Variants in MROH1 observed in about 807,000 individuals in gnomAD.
MROH1 encodes maestro heat-like repeat-containing protein family member 1.
Under a neutral mutation model 116.5 loss-of-function variants are expected in MROH1, and 117 were observed. The observed-to-expected ratio is 1.00, with a 90% CI of 0.86 to 1.17. The LOEUF (loss-of-function observed/expected upper bound fraction) is 1.17. Among genes scored for constraint, MROH1 ranks in the 50% most tolerant of loss-of-function variants. The pLI, the probability that MROH1 is intolerant of heterozygous loss-of-function variation, is 0.00. For missense variants in MROH1, 1,873 were observed against 1,338.5 expected, an observed-to-expected ratio of 1.40 and a Z score of -6.23; for synonymous variants, 921 against 583.9, an observed-to-expected ratio of 1.58 and a Z score of -8.32.
rs1842079617 is a variant in MROH1 at position 144,247,337 on chromosome 8, G to A, written c.2908G>A (p.Gly970Ser). ...CTTCCACAACCTGGGCCTTCTCATC[G>A]GCCTCTTCTCCCCACGGTGTGCGGA... ...VPFHNLGLLIGLFSPRCADLW... is the reference protein window; with the variant it reads ...VPFHNLGLLISLFSPRCADLW... The change falls in exon 30 of 44, where the codon GGC becomes AGC. Residue 970 changes from glycine (G) to serine (S), a missense_variant. Gly to Ser is a moderately conservative substitution (Grantham distance 56, BLOSUM62 0). Transcript: ENST00000326134. 11 of 773,074 alleles carry A rather than the reference G, an allele frequency of 1.4e-5. No homozygotes were observed. The highest frequency in any genetic ancestry group is 5.1e-5 in the Admixed American group (3 of 58,412). The allele number at this position is 773,074 out of a possible 1,614,324, so 47.9% of individuals were successfully genotyped here.
chr8:144,261,452 A>C lies in MROH1; in HGVS notation c.4840+103A>C. ...TGGATTTCAGGACTTTTTCCCTGTC[A>C]CTGGTGACCTCATCGTCTCTAGTAA... is the stretch of plus-strand genomic sequence containing the variant. On this transcript the variant is annotated intron_variant, in intron 43 of 43. Transcript: ENST00000326134. 7.2e-6 allele frequency: 5 copies of C among 699,102 alleles called. No homozygotes were observed. In the East Asian group the frequency reaches 1.3e-4, roughly 19 times the overall value. The allele number at this position is 699,102 out of a possible 1,614,324, so 43.3% of individuals were successfully genotyped here.
chr8:144,212,655 T>A (rs894806879), intron 12 of MROH1, among the ~76,000 whole-genome samples: 3 of 143,912 alleles, frequency 2.1e-5, no homozygotes, highest in Non-Finnish European at 3.0e-5. Context: ...AGTGGTGGGA[T>A]CATGGCTTAC....
Position 144,190,793 on chromosome 8 carries a change from G to C in MROH1, c.572G>C (p.Arg191Pro). ...VRVAFCSALQ[R>P]FSEGALEYLA... ...CTGGCCGGTTTTGTAGCTCTGCAGC[G>C]CTTCAGCGAGGGTGCCCTGGAGTAC... Residue 191 changes from arginine to proline, a missense_variant, in exon 8 of 44, where the codon CGC becomes CCC. By Grantham distance (103) the Arg-to-Pro change is moderately radical (BLOSUM62 -2). Transcript: ENST00000326134. 6.2e-7 allele frequency: 1 copy of C among 1,613,350 alleles called. No homozygotes were observed. The highest frequency in any genetic ancestry group is 8.5e-7 in the Non-Finnish European group (1 of 1,179,714).
At chr8:144,211,790 C>T (rs1834155695) in intron 12 of MROH1, among the ~76,000 whole-genome samples, 1 of 151,332 alleles carries the variant, frequency 6.6e-6, no homozygotes, top group Admixed American at 6.6e-5. Flanking sequence ...TTTTATTTAT[C>T]AGTTTTCAAG....
intron 14 of MROH1, among the ~76,000 whole-genome samples, chr8:144,237,106 C>T (rs921652498): frequency 1.3e-5 from 2 of 151,660 alleles, no homozygotes; most frequent in East Asian, 2.0e-4. Flanking sequence ...GGGGTTTCAC[C>T]GTGTTGGCCA....
intron 4 of MROH1, among the ~76,000 whole-genome samples, chr8:144,170,890 G>A (rs956115406): frequency 5.3e-5 from 8 of 152,238 alleles, no homozygotes; most frequent in Non-Finnish European, 1.0e-4. Flanking sequence ...GGGGAGGGAC[G>A]GGATTTGGGG....
rs1465003230 is a variant in MROH1, at chr8:144,260,995, G to A, written c.4625G>A (p.Arg1542Gln). ...AAFQKHLQEG[R>Q]ALHFGEFLNT... is the part of the protein sequence containing the mutation. The stretch of plus-strand genomic sequence containing the variant: ...TTCCAGAAACACCTGCAGGAGGGCC[G>A]AGCCCTGCACTTCGGGGAGTTCCTC... Residue 1542 changes from arginine to glutamine, a missense_variant, in exon 41 of 44, where the codon CGA becomes CAA. Arg to Gln is a conservative substitution (Grantham distance 43). Coordinates refer to ENST00000326134, the MANE Select transcript of MROH1 (RefSeq NM_032450.3). 15 of 771,536 alleles carry A rather than the reference G, an allele frequency of 1.9e-5. No individual in the cohort carries two copies. Among genetic ancestry groups the A allele is most frequent in the South Asian group, 9.4e-5 (7 of 74,382 alleles). The allele number at this position is 771,536 out of a possible 1,614,324, so 47.8% of individuals were successfully genotyped here.
chr8:144,232,251 A>C (rs1839034498), intron 14 of MROH1, among the ~76,000 whole-genome samples: 1 of 152,140 alleles, frequency 6.6e-6, no homozygotes, highest in Middle Eastern at 3.4e-3. Context: ...CTCTGTCTCC[A>C]TGAGAGGCAC....
intron 4 of MROH1, among the ~76,000 whole-genome samples, chr8:144,168,750 A>C (rs1403033115): frequency 6.6e-6 from 1 of 152,192 alleles, no homozygotes; most frequent in Non-Finnish European, 1.5e-5. Context: ...CCTGAGGGAC[A>C]GACCATGGTC....
chr8:144,260,146 G>A (rs1844742138), intron 38 of MROH1, 40 bp from the exon 39 acceptor site: 15 of 761,312 alleles, frequency 2.0e-5, no homozygotes, highest in Admixed American at 6.8e-5. Flanking sequence ...GGTAGCAGAC[G>A]GTGACTCTGG....
chr8:144,250,477 TC>T, intron 33 of MROH1, 111 bp downstream of exon 33: 2 of 700,396 alleles, frequency 2.9e-6, no homozygotes. Flanking sequence ...CTGCATGAGT[TC>T]CCATGGCTGT....
At chr8:144,205,556 C>CAGGCTGTTTTATATCTTAAA (rs1391008029) in intron 12 of MROH1, among the ~76,000 whole-genome samples, 37 of 151,824 alleles carry the variant, frequency 2.4e-4, no homozygotes, top group Admixed American at 9.2e-4. Context: ...GCCAGGATTA[C>CAGGCTGTTTTATATCTTAAA]AGGCTGTTTT....
chr8:144,167,906 G>A (rs1490296932), intron 3 of MROH1, among the ~76,000 whole-genome samples: 2 of 152,164 alleles, frequency 1.3e-5, no homozygotes, highest in African/African-American at 4.8e-5. Context: ...GAAGGGTCTG[G>A]CTGGTGAGTG....
Position 144,254,816 on chromosome 8 carries a change from C to T in MROH1, c.3432C>T (p.His1144=), listed in dbSNP as rs975698128. 301 of 776,996 alleles carry T rather than the reference C, an allele frequency of 3.9e-4. 1 individual carries two copies. The African/African-American group carries it at 4.9e-3, about 13-fold the overall frequency. 48.1% of individuals were successfully genotyped at this position (776,996 alleles called of 1,614,324 possible). A position where few individuals can be genotyped will look rare whatever the true frequency, so the allele number is the denominator to read the frequency against. Residue 1144 remains histidine, a synonymous_variant, in exon 34 of 44, where the codon CAC becomes CAT. Transcript: ENST00000326134. ...TGACTCTCCTGCTCTGCTCCAGCCACACCTGCATGCTGTGGCGGGCGCTGG... is the reference window on the plus strand; with the variant it reads ...TGACTCTCCTGCTCTGCTCCAGCCATACCTGCATGCTGTGGCGGGCGCTGG... ...LLGSPLPLDS[H]TCMLWRALAV... is the part of the protein sequence containing the mutation.
At chr8:144,181,934 C>T (rs1825823474) in intron 7 of MROH1, among the ~76,000 whole-genome samples, 1 of 152,248 alleles carries the variant, frequency 6.6e-6, no homozygotes, top group Non-Finnish European at 1.5e-5. Flanking sequence ...CTTACCTTCC[C>T]CTTCATAGGG....
intron 4 of MROH1, among the ~76,000 whole-genome samples, chr8:144,170,536 C>T (rs572201170): frequency 8.5e-5 from 13 of 152,294 alleles, no homozygotes; most frequent in African/African-American, 3.1e-4. Context: ...ATTTGCACTT[C>T]GCTTGATTGC....
At position 144,182,196 on chromosome 8, in the gene MROH1, G is replaced by A. The variant is rs372270014; in HGVS notation, c.562+1673G>A. Among the ~76,000 whole-genome samples, 27 of 152,326 alleles carry A rather than the reference G, an allele frequency of 1.8e-4. No homozygotes were observed. The East Asian group carries it at 1.9e-3, about 11-fold the overall frequency. ...GCGGTGGCAGGCCTGCGTCCACTGC[G>A]GGAGGGTGCAGGTCCAGCCAGGACA... On this transcript the variant is annotated intron_variant, in intron 7 of 43. Transcript: ENST00000326134. The surrounding 1 kb of genome is among the most constrained non-coding windows in gnomAD (Gnocchi z 4.1).
intron 4 of MROH1, among the ~76,000 whole-genome samples, chr8:144,173,873 T>A (rs1328165471): frequency 6.6e-6 from 1 of 152,100 alleles, no homozygotes; most frequent in Admixed American, 6.6e-5. Context: ...CCAAGAAGAA[T>A]GAGGATACAG....
At position 144,254,953 on chromosome 8, in the gene MROH1, G is replaced by T; in HGVS notation, c.3569G>T (p.Arg1190Leu). ...TTCCTGCTGGGCCGCACCCCAGACC[G>T]CGTGGCCACGCTGCTGCCTCTCTCG... ...RAFLLGRTPD[R>L]VATLLPLSAT... Residue 1190 changes from arginine (R) to leucine (L), a missense_variant, in exon 34 of 44, where the codon CGC becomes CTC. By Grantham distance (102) the Arg-to-Leu change is moderately radical. Coordinates refer to ENST00000326134, the MANE Select transcript of MROH1 (RefSeq NM_032450.3). 1 of 771,390 alleles carries T rather than the reference G, an allele frequency of 1.3e-6. No individual in the cohort carries two copies. Among genetic ancestry groups the T allele is most frequent in the Non-Finnish European group, 2.4e-6 (1 of 415,294 alleles). 47.8% of individuals were successfully genotyped at this position (771,390 alleles called of 1,614,324 possible). A position where few individuals can be genotyped will look rare whatever the true frequency, so the allele number is the denominator to read the frequency against.
Sources: gnomAD v4.1 joint callset for allele counts (sites outside exome capture counted in the v4.1 genomes callset) on GRCh38, gnomAD v4.1.1 for gene constraint, Gnocchi (gnomAD v3.1) non-coding constraint, MANE v1.5 for transcripts, NCBI Gene and HGNC (gene_info 2026-07-23, HGNC 2026-07-21) for gene names.